Variants in LTBP1 observed in about 807,000 individuals in gnomAD.
LTBP1 encodes latent-transforming growth factor beta-binding protein 1.
LTBP1 carries 129 observed loss-of-function variants against 207.6 expected under a neutral mutation model. The observed-to-expected ratio is 0.62, with a 90% CI of 0.54 to 0.72. The LOEUF is 0.72. LTBP1 is among the 30% of genes least tolerant of loss of function. The pLI is 0.00. For missense variants in LTBP1, 2,281 were observed against 2,217.2 expected (o/e 1.03, Z -0.58); for synonymous variants, 963 against 833.7 (o/e 1.16, Z -2.67).
intron 31 of LTBP1, among the ~76,000 whole-genome samples, chr2:33,371,390 T>C (rs1382219925): frequency 6.6e-6 from 1 of 152,186 alleles, no homozygotes; most frequent in Non-Finnish European, 1.5e-5. Context: ...CTAAACTGTT[T>C]TGGGAGGATC....
intron 3 of LTBP1, among the ~76,000 whole-genome samples, chr2:33,072,292 G>A (rs1040529364): frequency 1.3e-5 from 2 of 152,172 alleles, no homozygotes; most frequent in African/African-American, 4.8e-5. Flanking sequence ...CACCCTCCAG[G>A]CACCTCCACA....
In LTBP1 at chr2:33,020,984, A is replaced by G. The variant is rs1292207402; in HGVS notation, c.641A>G (p.Lys214Arg). ...PQLCVCKPGT[K>R]GKACETIAAQ... ...CTCTGTGTGTGTAAACCAGGGACCA[A>G]GGGCAAAGCCTGTGAAACAATAGCT... The change falls in exon 3 of 34, where the codon AAG (lysine) becomes AGG (arginine). Residue 214 changes from lysine (K) to arginine (R), a missense_variant. Around this residue, in one of 3 missense-constraint regions of LTBP1, gnomAD observed 555 missense variants for 491.0 expected, o/e 1.13. Transcript: ENST00000404816. The G allele has an allele frequency of 6.2e-7, 1 of 1,612,940 alleles. No homozygotes were observed. Among genetic ancestry groups the G allele is most frequent in the East Asian group, 2.2e-5 (1 of 44,864 alleles).
intron 24 of LTBP1, among the ~76,000 whole-genome samples, chr2:33,321,913 A>G (rs1221092883): frequency 1.3e-5 from 2 of 152,204 alleles, no homozygotes; most frequent in African/African-American, 4.8e-5. Flanking sequence ...TATAAAAGCT[A>G]CTGTTCACAC....
intron 4 of LTBP1, among the ~76,000 whole-genome samples, chr2:33,112,208 A>G (rs550950441): frequency 1.1e-4 from 16 of 152,326 alleles, no homozygotes; most frequent in Admixed American, 8.5e-4. Context: ...GAACACTGGT[A>G]TTAAGACTAG....
chr2:33,111,593 T>C (rs549258303), intron 4 of LTBP1, among the ~76,000 whole-genome samples: 1 of 152,256 alleles, frequency 6.6e-6, no homozygotes, highest in Non-Finnish European at 1.5e-5. Flanking sequence ...TTGGCACTAG[T>C]GAAGTCCACA....
Position 33,027,381 on chromosome 2 carries a change from C to G in LTBP1, c.863+6175C>G, listed in dbSNP as rs1354599828. ...GTGGTGAGAATGTTGAAGGTCTACTCTCTTAGCAAATTACCAGTATACAGT... is the reference window on the plus strand; with the variant it reads ...GTGGTGAGAATGTTGAAGGTCTACTGTCTTAGCAAATTACCAGTATACAGT... On this transcript the variant is annotated intron_variant, in intron 3 of 33. Transcript: ENST00000404816. Among the ~76,000 whole-genome samples the G allele has an allele frequency of 4.6e-5, 7 of 152,148 alleles. No homozygotes were observed. In the East Asian group the frequency reaches 1.3e-3, roughly 29 times the overall value.
intron 31 of LTBP1, among the ~76,000 whole-genome samples, chr2:33,367,170 C>T (rs569096083): frequency 6.6e-6 from 1 of 152,160 alleles, no homozygotes; most frequent in African/African-American, 2.4e-5. Context: ...TCTATGTCAT[C>T]AATCTAAGCT....
intron 3 of LTBP1, among the ~76,000 whole-genome samples, chr2:33,080,017 TTTTTG>T (rs1000779522): frequency 9.2e-5 from 14 of 152,054 alleles, no homozygotes; most frequent in Admixed American, 2.0e-4. Context: ...AGAGACCACT[TTTTTG>T]TTTTGTTTTG....
chr2:33,339,385 C>T (rs1312706892), intron 24 of LTBP1, among the ~76,000 whole-genome samples: 1 of 152,136 alleles, frequency 6.6e-6, no homozygotes. Flanking sequence ...TTCTTTCCAG[C>T]CCTTAAATCC....
intron 3 of LTBP1, among the ~76,000 whole-genome samples, chr2:33,091,761 G>A (rs987838005): frequency 6.6e-6 from 1 of 152,156 alleles, no homozygotes; most frequent in Non-Finnish European, 1.5e-5. Flanking sequence ...TCCTATTTGT[G>A]TCTCTTGGGT....
At chr2:33,192,161 G>A (rs1026975872) in intron 7 of LTBP1, among the ~76,000 whole-genome samples, 2 of 152,248 alleles carry the variant, frequency 1.3e-5, no homozygotes, top group South Asian at 4.2e-4. Context: ...AATAGCTTGG[G>A]ATTCTTGGCA....
chr2:33,368,684 C>CT (rs2095030492), intron 31 of LTBP1, among the ~76,000 whole-genome samples: 1 of 152,202 alleles, frequency 6.6e-6, no homozygotes, highest in Admixed American at 6.5e-5. Context: ...TGAGACCAGC[C>CT]TGGGCAACGT....
chr2:33,181,469 G>T (rs916951137), intron 5 of LTBP1, among the ~76,000 whole-genome samples: 13 of 152,184 alleles, frequency 8.5e-5, no homozygotes, highest in African/African-American at 2.9e-4. Flanking sequence ...TGTTCTTCCA[G>T]CATGGATCCT....
intron 2 of LTBP1, among the ~76,000 whole-genome samples, chr2:32,985,034 G>T (rs1683331217): frequency 6.6e-6 from 1 of 152,194 alleles, no homozygotes; most frequent in African/African-American, 2.4e-5. Flanking sequence ...TTGAAAGAAA[G>T]TGCTATGTAG....
intron 2 of LTBP1, among the ~76,000 whole-genome samples, chr2:33,017,464 C>T (rs1051750233): frequency 6.6e-6 from 1 of 152,158 alleles, no homozygotes; most frequent in African/African-American, 2.4e-5. Context: ...TATGTAGTTT[C>T]AAAGTTTTCC....
At chr2:33,031,412 C>T (rs1285804575) in intron 3 of LTBP1, among the ~76,000 whole-genome samples, 1 of 152,234 alleles carries the variant, frequency 6.6e-6, no homozygotes, top group Non-Finnish European at 1.5e-5. Context: ...TTCATTCCAT[C>T]AGCAGATATT....
chr2:33,026,668 G>A (rs944704991), intron 3 of LTBP1, among the ~76,000 whole-genome samples: 1 of 152,182 alleles, frequency 6.6e-6, no homozygotes, highest in Non-Finnish European at 1.5e-5. Context: ...TGAACAAAAG[G>A]AACTCACTCC....
chr2:33,127,812 T>C (rs1482902745), intron 4 of LTBP1, among the ~76,000 whole-genome samples: 2 of 151,966 alleles, frequency 1.3e-5, no homozygotes, highest in Admixed American at 6.6e-5. Context: ...AAGGGTGGAA[T>C]GTGGGGAAGA....
chr2:33,202,222 C>A (rs1172229880), intron 7 of LTBP1, among the ~76,000 whole-genome samples: 1 of 152,110 alleles, frequency 6.6e-6, no homozygotes, highest in Non-Finnish European at 1.5e-5. Context: ...AGTTTCAATA[C>A]TTTTGTCACA....
Sources: gnomAD v4.1 joint callset for allele counts (sites outside exome capture counted in the v4.1 genomes callset) on GRCh38, gnomAD v4.1.1 for gene constraint, gnomAD v4.1.1 regional missense constraint, MANE v1.5 for transcripts, NCBI Gene and HGNC (gene_info 2026-07-23, HGNC 2026-07-21) for gene names.